The following KDM4C variants were observed in gnomAD, a reference collection of about 807,000 sequenced individuals.
The protein encoded by KDM4C is lysine demethylase 4C.
In KDM4C, 81 loss-of-function variants were observed where a neutral mutation model predicts 129.3. The ratio of observed to expected loss-of-function variants is 0.63; its 90% CI spans 0.52 to 0.75. KDM4C has a LOEUF of 0.75. KDM4C is among the 30% of genes least tolerant of loss of function. The probability of loss-of-function intolerance (pLI) is 0.00; values close to 1 mark genes in which losing one functional copy is unlikely to be tolerated. For missense variants in KDM4C, 1,457 were observed against 1,304.0 expected, an observed-to-expected ratio of 1.12 and a Z score of -1.81; for synonymous variants, 573 against 456.1, an observed-to-expected ratio of 1.26 and a Z score of -3.26.
intron 15 of KDM4C, among the ~76,000 whole-genome samples, chr9:7,046,154 A>C (rs1829357368): frequency 6.6e-6 from 1 of 151,970 alleles, no homozygotes. Context: ...ATAACTAATA[A>C]AATCTATATT....
chr9:7,166,672 A>G (rs1844421011), intron 20 of KDM4C, among the ~76,000 whole-genome samples: 1 of 152,234 alleles, frequency 6.6e-6, no homozygotes, highest in Non-Finnish European at 1.5e-5. Context: ...AAATAATTAC[A>G]TTTAATTAAA....
chr9:6,822,865 G>A (rs1214837912), intron 4 of KDM4C, among the ~76,000 whole-genome samples: 8 of 152,196 alleles, frequency 5.3e-5, no homozygotes, highest in Admixed American at 3.9e-4. Context: ...CACCTGCATC[G>A]ACCTTTGAAG....
chr9:6,759,256 CA>C lies in KDM4C; in HGVS notation c.-18+1054del, dbSNP rs1818911403. On this transcript the variant is annotated intron_variant, in intron 1 of 21. Transcript: ENST00000381309. ...CACTAAACTCTGCCCTATTTTCACC[CA>C]TTTCAGTTTGCGGTATTTAAAAAAA... 2.0e-5 allele frequency among the ~76,000 whole-genome samples: 3 copies of C among 152,164 alleles called. No homozygotes were observed. In the South Asian group the frequency reaches 6.2e-4, roughly 32 times the overall value.
intron 12 of KDM4C, among the ~76,000 whole-genome samples, chr9:7,005,199 G>A (rs1016954831): frequency 1.3e-5 from 2 of 152,168 alleles, no homozygotes; most frequent in Non-Finnish European, 2.9e-5. Context: ...ACTTTGGGAG[G>A]CTGAGGTGGG....
In KDM4C at chr9:6,890,408, A is replaced by G. The variant is rs578036319; in HGVS notation, c.783+2345A>G. On this transcript the variant is annotated intron_variant, in intron 7 of 21. Transcript: ENST00000381309. Reference sequence around the variant, plus strand: ...TCAACTCAGCCCTCTTCCTGTAGGTAATAATGTCTCAGTTGGAATACATTT... The same window carrying G: ...TCAACTCAGCCCTCTTCCTGTAGGTGATAATGTCTCAGTTGGAATACATTT... 1.4e-4 allele frequency among the ~76,000 whole-genome samples: 21 copies of G among 152,322 alleles called. No homozygotes were observed. The South Asian group carries it at 3.3e-3, about 24-fold the overall frequency.
chr9:6,884,083 G>A (rs765126400), intron 6 of KDM4C, among the ~76,000 whole-genome samples: 6 of 152,094 alleles, frequency 3.9e-5, no homozygotes, highest in Non-Finnish European at 5.9e-5. Context: ...TAGGAGAAGC[G>A]CCATTCTCCA....
intron 15 of KDM4C, among the ~76,000 whole-genome samples, chr9:7,028,723 G>A (rs116477807): frequency 2.3e-3 from 343 of 152,186 alleles, no homozygotes; most frequent in African/African-American, 7.8e-3. Context: ...CTAGCCCGTG[G>A]TGGCAAGGCT....
intron 12 of KDM4C, among the ~76,000 whole-genome samples, chr9:7,009,948 A>G (rs1457490963): frequency 6.6e-6 from 1 of 152,238 alleles, no homozygotes; most frequent in East Asian, 1.9e-4. Context: ...TAAGAAAAAG[A>G]TATGTCATGA....
chr9:6,960,823 A>C (rs1287311262), intron 8 of KDM4C, among the ~76,000 whole-genome samples: 2 of 150,418 alleles, frequency 1.3e-5, no homozygotes. Flanking sequence ...GGCCTTTAGA[A>C]ATGCCTTCAG....
intron 8 of KDM4C, among the ~76,000 whole-genome samples, chr9:6,962,315 C>T (rs979540641): frequency 6.6e-6 from 1 of 152,134 alleles, no homozygotes; most frequent in Non-Finnish European, 1.5e-5. Context: ...TATCCAAATG[C>T]ATTTGAAGAT....
At chr9:6,800,817 G>T (rs1316334933) in intron 2 of KDM4C, among the ~76,000 whole-genome samples, 1 of 152,022 alleles carries the variant, frequency 6.6e-6, no homozygotes, top group East Asian at 1.9e-4. Context: ...TTGTAGAGCT[G>T]AGCTTTCGCC....
intron 1 of KDM4C, among the ~76,000 whole-genome samples, chr9:6,782,004 T>C (rs781402659): frequency 8.6e-5 from 13 of 151,930 alleles, no homozygotes; most frequent in Non-Finnish European, 1.8e-4. Context: ...TTTGTGCTTT[T>C]AGTAGAGACA....
intron 8 of KDM4C, among the ~76,000 whole-genome samples, chr9:6,927,826 A>G (rs1406552827): frequency 6.6e-6 from 1 of 152,126 alleles, no homozygotes; most frequent in East Asian, 1.9e-4. Context: ...CCCACTTCCC[A>G]TTCTTCTCAA....
At chr9:7,044,645 G>T (rs1009564146) in intron 15 of KDM4C, among the ~76,000 whole-genome samples, 3 of 151,944 alleles carry the variant, frequency 2.0e-5, no homozygotes, top group Non-Finnish European at 4.4e-5. Context: ...GGGAGTACAG[G>T]CTTGAGAAGA....
chr9:7,091,524 TTCTTA>T (rs1374486476), intron 17 of KDM4C, among the ~76,000 whole-genome samples: 3 of 152,196 alleles, frequency 2.0e-5, no homozygotes, highest in African/African-American at 7.2e-5. Flanking sequence ...GATGTCTAGT[TTCTTA>T]TCTTTTGTTG....
intron 4 of KDM4C, among the ~76,000 whole-genome samples, chr9:6,826,827 A>G (rs1220772847): frequency 6.6e-6 from 1 of 151,870 alleles, no homozygotes; most frequent in Non-Finnish European, 1.5e-5. Flanking sequence ...AGATCGCGCC[A>G]CTGCACTCCA....
intron 8 of KDM4C, among the ~76,000 whole-genome samples, chr9:6,943,649 T>A (rs1826359799): frequency 6.7e-6 from 1 of 150,254 alleles, no homozygotes; most frequent in South Asian, 2.1e-4. Context: ...CACTCCAGTC[T>A]GGGCGACATA....
chr9:7,030,629 A>T (rs1055027701), intron 15 of KDM4C, among the ~76,000 whole-genome samples: 2 of 152,238 alleles, frequency 1.3e-5, no homozygotes, highest in Non-Finnish European at 2.9e-5. Context: ...TATAAAAAAT[A>T]AAGTCTAATA....
chr9:6,721,104 G>T, intron 1 of KDM4C: 3 of 1,074,848 alleles, frequency 2.8e-6, no homozygotes, highest in Non-Finnish European at 4.1e-6. Flanking sequence ...TAGAATCAAG[G>T]TCTCTGTTGC....
Sources: allele counts gnomAD v4.1 joint callset (sites outside exome capture counted in the v4.1 genomes callset), GRCh38; gene constraint gnomAD v4.1.1; transcripts MANE v1.5; gene names NCBI Gene and HGNC (gene_info 2026-07-23, HGNC 2026-07-21).